Variants in NID1 observed in about 807,000 individuals in gnomAD.
NID1 encodes the protein nidogen-1.
Under a neutral mutation model 130.6 loss-of-function variants are expected in NID1, and 76 were observed. The ratio of observed to expected loss-of-function variants is 0.58; its 90% CI spans 0.48 to 0.70. NID1 has a LOEUF of 0.70. NID1 is among the 30% of genes least tolerant of loss of function. NID1 has a pLI of 0.00. For synonymous variants in NID1, 665 were observed against 675.1 expected (o/e 0.98, Z 0.23); for missense variants, 1,517 against 1,664.8 (o/e 0.91, Z 1.54).
intron 11 of NID1, among the ~76,000 whole-genome samples, chr1:236,012,294 C>A (rs1185868163): frequency 6.6e-6 from 1 of 152,110 alleles, no homozygotes; most frequent in Admixed American, 6.6e-5. Context: ...CCGTGGCTCA[C>A]GCCTGTAATC....
In NID1 at chr1:236,017,220, T is replaced by C; in HGVS notation, c.2182A>G (p.Asn728Asp). The C allele has an allele frequency of 1.2e-5, 19 of 1,614,162 alleles. No individual in the cohort carries two copies. Among genetic ancestry groups the C allele is most frequent in the Non-Finnish European group, 1.6e-5 (19 of 1,180,014 alleles). ...CAGCGGAAGGTTCCTGGGTGATTAT[T>C]GCAGATTGTGTGGCTCCCACACACT... is the stretch of plus-strand genomic sequence containing the variant. ...PSVCGSHTICNNHPGTFRCEC... is the reference protein window; with the variant it reads ...PSVCGSHTICDNHPGTFRCEC... The change falls in exon 10 of 20, where the codon AAT becomes GAT. Residue 728 changes from asparagine to aspartate, a missense_variant. Asn to Asp is a conservative substitution (Grantham distance 23, BLOSUM62 1). Around this residue, in one of 3 missense-constraint regions of NID1, gnomAD observed 1,329 missense variants for 1,429.2 expected, o/e 0.93. Transcript: ENST00000264187.
chr1:235,999,097 C>G (rs1558426895), intron 12 of NID1, among the ~76,000 whole-genome samples: 1 of 152,224 alleles, frequency 6.6e-6, no homozygotes, highest in Non-Finnish European at 1.5e-5. Flanking sequence ...AGTACCTTAG[C>G]TCATTCACCA....
chr1:235,993,983 T>C, intron 12 of NID1, 111 bp from the exon 13 acceptor site: 1 of 853,664 alleles, frequency 1.2e-6, no homozygotes, highest in Non-Finnish European at 1.8e-6. Context: ...GGGCTGCCTG[T>C]GTGTCACTGG....
At chr1:236,022,826 G>T (rs1225987084) in intron 9 of NID1, among the ~76,000 whole-genome samples, 1 of 150,790 alleles carries the variant, frequency 6.6e-6, no homozygotes, top group Non-Finnish European at 1.5e-5. Context: ...ACTTTGGGAG[G>T]CCGAGGCAGG....
At chr1:235,986,055 C>G (rs1657566070) in intron 14 of NID1, among the ~76,000 whole-genome samples, 1 of 152,120 alleles carries the variant, frequency 6.6e-6, no homozygotes, top group African/African-American at 2.4e-5. Flanking sequence ...GCCACTGCAC[C>G]CACCCATTAT....
intron 5 of NID1, 138 bp downstream of exon 5, chr1:236,037,966 G>A: frequency 6.0e-6 from 6 of 992,334 alleles, no homozygotes; most frequent in Non-Finnish European, 8.5e-6. Context: ...TGAGGAAAGA[G>A]AGACCATGTA....
At chr1:236,059,890 A>C (rs539292381) in intron 1 of NID1, among the ~76,000 whole-genome samples, 59 of 152,272 alleles carry the variant, frequency 3.9e-4, no homozygotes, top group African/African-American at 1.4e-3. Context: ...TCACGAGGTC[A>C]AGAGATCGAG....
chr1:236,009,982 C>T (rs1658362577), intron 12 of NID1, among the ~76,000 whole-genome samples: 1 of 152,018 alleles, frequency 6.6e-6, no homozygotes, highest in African/African-American at 2.4e-5. Context: ...TCTGTTTAGT[C>T]AACAGAGTTT....
rs1481023098 is a variant in NID1, at chr1:235,990,975, G to A, written c.2839C>T (p.Leu947Phe). 3.1e-6 allele frequency: 5 copies of A among 1,614,140 alleles called. No homozygotes were observed. Among genetic ancestry groups the A allele is most frequent in the Non-Finnish European group, 4.2e-6 (5 of 1,180,012 alleles). ...TCAATCTTCCCAGTCTGGGCAAAGA[G>A]TAAATGGGTCCCAGGAGGCAAGGGG... is the stretch of plus-strand genomic sequence containing the variant. ...VIPLPPGTHL[L>F]FAQTGKIERL... is the part of the protein sequence containing the mutation. The change falls in exon 14 of 20, where the codon CTC becomes TTC. Residue 947 changes from leucine (L) to phenylalanine (F), a missense_variant. Physicochemically the swap from Leu to Phe is conservative, Grantham distance 22 (BLOSUM62 0). Coordinates refer to ENST00000264187, the MANE Select transcript of NID1 (RefSeq NM_002508.3).
At chr1:236,035,089 C>A (rs1437599341) in intron 5 of NID1, among the ~76,000 whole-genome samples, 2 of 141,556 alleles carry the variant, frequency 1.4e-5, no homozygotes, top group Non-Finnish European at 3.0e-5. Flanking sequence ...GTGCGCTGCA[C>A]CCACTAACTC....
intron 1 of NID1, among the ~76,000 whole-genome samples, chr1:236,058,009 C>T (rs774563337): frequency 5.3e-5 from 8 of 152,130 alleles, no homozygotes; most frequent in African/African-American, 1.2e-4. Flanking sequence ...TTGATCATAT[C>T]GCAAAACCCT....
intron 1 of NID1, among the ~76,000 whole-genome samples, chr1:236,055,032 C>T (rs761706607): frequency 1.7e-4 from 26 of 151,134 alleles, no homozygotes; most frequent in Admixed American, 1.3e-4. Flanking sequence ...GGGCCGCGTG[C>T]GGTGGCTCAC....
At chr1:236,018,698 C>T (rs756511746) in intron 9 of NID1, among the ~76,000 whole-genome samples, 4 of 152,226 alleles carry the variant, frequency 2.6e-5, no homozygotes, top group African/African-American at 9.6e-5. Flanking sequence ...GAGGGCCTCC[C>T]AAAGTGCTGG....
At chr1:235,987,276 G>A (rs12759840) in intron 14 of NID1, among the ~76,000 whole-genome samples, 38,413 of 152,150 alleles carry the variant, frequency 0.25, 5,938 homozygotes, top group East Asian at 0.63. Flanking sequence ...ACACTGAGTT[G>A]CTTAACTTCT....
At position 235,985,853 on chromosome 1, in the gene NID1, T is replaced by G. The variant is rs1657560147; in HGVS notation, c.2929-348A>C. Among the ~76,000 whole-genome samples, 2 of 152,146 alleles carry G rather than the reference T, an allele frequency of 1.3e-5. 1 individual carries two copies. Among genetic ancestry groups the G allele is most frequent in the Middle Eastern group, 6.8e-3 (2 of 294 alleles). On this transcript the variant is annotated intron_variant, in intron 14 of 19. Coordinates refer to ENST00000264187, the MANE Select transcript of NID1 (RefSeq NM_002508.3). ...ACTGCTCACTGCAGCCTCAACCTCC[T>G]GAACTCGAGTGATCCTCGCCCTCAG...
chr1:235,997,233 C>T (rs935296393), intron 12 of NID1, among the ~76,000 whole-genome samples: 12 of 152,266 alleles, frequency 7.9e-5, no homozygotes, highest in East Asian at 1.9e-4. Context: ...TAAATATTTT[C>T]GGCTTTGTGG....
At chr1:235,981,976 T>A (rs1572575044) in intron 15 of NID1, among the ~76,000 whole-genome samples, 194 bp from the exon 16 acceptor site, 2 of 152,334 alleles carry the variant, frequency 1.3e-5, no homozygotes, top group South Asian at 4.1e-4. Flanking sequence ...TGCCATTTAC[T>A]CACTCTGTGG....
chr1:235,992,359 C>T (rs1467651087), intron 13 of NID1, among the ~76,000 whole-genome samples: 1 of 152,198 alleles, frequency 6.6e-6, no homozygotes, highest in Admixed American at 6.5e-5. Context: ...TTCACCTCCC[C>T]CCGCCAGGGA....
intron 5 of NID1, among the ~76,000 whole-genome samples, chr1:236,034,278 T>C (rs933313477): frequency 2.6e-5 from 4 of 151,616 alleles, no homozygotes; most frequent in Admixed American, 6.6e-5. Context: ...AAAAATTAGC[T>C]AGGCATGGTG....
Sources: gnomAD v4.1 joint callset for allele counts (sites outside exome capture counted in the v4.1 genomes callset) on GRCh38, gnomAD v4.1.1 for gene constraint, gnomAD v4.1.1 regional missense constraint, MANE v1.5 for transcripts, NCBI Gene and HGNC (gene_info 2026-07-23, HGNC 2026-07-21) for gene names.